Variants in RTCB observed in about 807,000 individuals in gnomAD.
RTCB encodes the protein RNA-splicing ligase RTCB.
RTCB carries 32 observed loss-of-function variants against 58.2 expected under a neutral mutation model. That is an observed-to-expected ratio of 0.55 (90% CI 0.41 to 0.74). The LOEUF (loss-of-function observed/expected upper bound fraction) is 0.74, where lower values mean the gene tolerates loss of function less well. Ranked by LOEUF, RTCB falls within the 30% of genes least tolerant of loss-of-function variation. The pLI, the probability that RTCB is intolerant of heterozygous loss-of-function variation, is 0.00. For missense variants in RTCB, 523 were observed against 639.0 expected (o/e 0.82, Z 1.96); for synonymous variants, 247 against 218.6 (o/e 1.13, Z -1.15).
intron 9 of RTCB, among the ~76,000 whole-genome samples, chr22:32,394,618 TTC>T (rs1319191230): frequency 4.6e-5 from 7 of 152,168 alleles, no homozygotes; most frequent in Non-Finnish European, 2.9e-5. Flanking sequence ...GGTGCTTGTC[TTC>T]TCTGTTTTGG....
rs1440854881 is a variant in RTCB at position 32,387,875 on chromosome 22, T to G, written c.*117A>C. On this transcript the variant is annotated 3_prime_UTR_variant, in exon 12 of 12. Transcript: ENST00000216038. The stretch of plus-strand genomic sequence containing the variant: ...CCATCAGCCATTTTGGCGTGAGCAG[T>G]TACAGCTGCACACTTTGCAACTTGT... 1 of 669,300 alleles carries G rather than the reference T, an allele frequency of 1.5e-6. No homozygotes were observed. Among genetic ancestry groups the G allele is most frequent in the East Asian group, 2.7e-5 (1 of 36,540 alleles). The allele number at this position is 669,300 out of a possible 1,614,324, so 41.5% of individuals were successfully genotyped here.
In RTCB at chr22:32,408,196, T is replaced by C; in HGVS notation, c.219A>G (p.Ala73=). The part of the protein sequence containing the change: ...LPAMKQIGNV[A]ALPGIVHRSI... ...TCACATGAACAATTCCAGGCAGGGC[T>C]GCCACATTGCCAATCTGTTTCATGG... The change falls in exon 3 of 12, where the codon GCA becomes GCG. Residue 73 remains alanine (A), a synonymous_variant. Coordinates refer to ENST00000216038, the MANE Select transcript of RTCB (RefSeq NM_014306.5). 6.2e-7 allele frequency: 1 copy of C among 1,614,204 alleles called. No homozygotes were observed. Among genetic ancestry groups the C allele is most frequent in the Non-Finnish European group, 8.5e-7 (1 of 1,180,010 alleles).
intron 1 of RTCB, 63 bp downstream of exon 1, chr22:32,412,001 G>C: frequency 1.5e-6 from 2 of 1,357,642 alleles, no homozygotes; most frequent in Admixed American, 1.8e-5. Flanking sequence ...AGAGGGCGCA[G>C]TGGACGCCGG....
chr22:32,411,869 C>T (rs1447365192), intron 1 of RTCB, among the ~76,000 whole-genome samples, 195 bp downstream of exon 1: 1 of 152,204 alleles, frequency 6.6e-6, no homozygotes, highest in East Asian at 1.9e-4. Context: ...GGTTCGGGGA[C>T]CTCTCCTGGC....
Position 32,404,549 on chromosome 22 carries a change from G to T in RTCB, c.340+2113C>A, listed in dbSNP as rs569679296. ...GGCCTTCCCAGTAGCTAGAACTACA[G>T]ATGTGCGCCACCATACCCAGCTATT... On this transcript the variant is annotated intron_variant, in intron 4 of 11. Transcript: ENST00000216038. 4.6e-5 allele frequency among the ~76,000 whole-genome samples: 7 copies of T among 152,296 alleles called. No individual in the cohort carries two copies. In the South Asian group the frequency reaches 1.5e-3, roughly 32 times the overall value.
chr22:32,397,684 C>T (rs1474520858), intron 7 of RTCB, among the ~76,000 whole-genome samples: 1 of 152,190 alleles, frequency 6.6e-6, no homozygotes, highest in Non-Finnish European at 1.5e-5. Context: ...CTGCAACTAA[C>T]ATTTATTGAG....
intron 4 of RTCB, among the ~76,000 whole-genome samples, chr22:32,404,450 A>T (rs751545073): frequency 2.0e-5 from 3 of 152,172 alleles, no homozygotes; most frequent in Non-Finnish European, 2.9e-5. Context: ...AGATCATGCC[A>T]GACTAGAGTG....
chr22:32,406,396 C>G (rs1428156646), intron 4 of RTCB, among the ~76,000 whole-genome samples: 1 of 152,024 alleles, frequency 6.6e-6, no homozygotes, highest in African/African-American at 2.4e-5. Context: ...GAACTCGGCT[C>G]ACTGCAACCT....
At chr22:32,388,994 C>T (rs949544998) in intron 11 of RTCB, among the ~76,000 whole-genome samples, 1 of 152,164 alleles carries the variant, frequency 6.6e-6, no homozygotes, top group Non-Finnish European at 1.5e-5. Flanking sequence ...CTGCTGTTTT[C>T]CCCAAATCAG....
Position 32,394,152 on chromosome 22 carries a change from C to T in RTCB, c.1180-150G>A, listed in dbSNP as rs903438557. ...TTGAGATGGGAGTCTTGCTCTGTCG[C>T]CCAGGCTGGAGTGCAGTGGCGGGAT... On this transcript the variant is annotated intron_variant, in intron 9 of 11. Transcript: ENST00000216038. 3 of 554,060 alleles carry T rather than the reference C, an allele frequency of 5.4e-6. No homozygotes were observed. The African/African-American group carries it at 5.8e-5, about 11-fold the overall frequency. 34.3% of individuals were successfully genotyped at this position (554,060 alleles called of 1,614,324 possible).
chr22:32,397,802 G>T, intron 7 of RTCB, 139 bp downstream of exon 7: 3 of 659,090 alleles, frequency 4.6e-6, no homozygotes, highest in Non-Finnish European at 7.2e-6. Context: ...GAAAGTTATG[G>T]CCCAGTGAAT....
At chr22:32,406,301 AGGCTAT>A (rs1243456427) in intron 4 of RTCB, among the ~76,000 whole-genome samples, 7 of 152,114 alleles carry the variant, frequency 4.6e-5, no homozygotes, top group Non-Finnish European at 7.4e-5. Context: ...TGTTTCACAA[AGGCTAT>A]GGTCCATAGA....
intron 5 of RTCB, among the ~76,000 whole-genome samples, chr22:32,400,418 G>A (rs1933317972): frequency 6.6e-6 from 1 of 152,130 alleles, no homozygotes; most frequent in Non-Finnish European, 1.5e-5. Flanking sequence ...ACTTTTCAAT[G>A]TTCTCTCCCC....
intron 4 of RTCB, among the ~76,000 whole-genome samples, chr22:32,402,652 T>C (rs529430337): frequency 6.6e-6 from 1 of 150,436 alleles, no homozygotes; most frequent in Admixed American, 6.7e-5. Context: ...GGTTTCACCA[T>C]GTTGGCCAGG....
intron 10 of RTCB, 125 bp from the exon 11 acceptor site, chr22:32,392,484 G>T: frequency 8.0e-7 from 1 of 1,254,402 alleles, no homozygotes; most frequent in Non-Finnish European, 1.1e-6. Context: ...TTGGTAACAG[G>T]CCTTTTAAAC....
intron 1 of RTCB, among the ~76,000 whole-genome samples, chr22:32,411,270 T>C (rs544536317): frequency 3.1e-4 from 47 of 152,330 alleles, no homozygotes; most frequent in African/African-American, 1.1e-3. Flanking sequence ...TCAAAAACTA[T>C]TTAAAAATAC....
chr22:32,399,831 TAA>T, intron 5 of RTCB, 72 bp from the exon 6 acceptor site: 4 of 1,395,846 alleles, frequency 2.9e-6, no homozygotes, highest in Non-Finnish European at 3.9e-6. Context: ...ACCACATCCT[TAA>T]AGGGCAGAGA....
At chr22:32,401,010 A>G (rs186002958) in intron 5 of RTCB, among the ~76,000 whole-genome samples, 1 of 152,270 alleles carries the variant, frequency 6.6e-6, no homozygotes, top group East Asian at 1.9e-4. Context: ...AATAGGCTTA[A>G]TGACAAAAGG....
intron 10 of RTCB, among the ~76,000 whole-genome samples, chr22:32,392,788 C>T (rs1010252909): frequency 2.0e-5 from 3 of 152,176 alleles, no homozygotes; most frequent in African/African-American, 7.2e-5. Flanking sequence ...GGATTAAATA[C>T]ATTTGTGAAG....
Sources: gnomAD v4.1 joint callset for allele counts (sites outside exome capture counted in the v4.1 genomes callset) on GRCh38, gnomAD v4.1.1 for gene constraint, MANE v1.5 for transcripts, NCBI Gene and HGNC (gene_info 2026-07-23, HGNC 2026-07-21) for gene names.